RAP1A: variants seen among roughly 807,000 people sequenced by gnomAD.
RAP1A encodes the protein ras-related protein Rap-1A.
Under a neutral mutation model 26.4 loss-of-function variants are expected in RAP1A, and 6 were observed. The observed-to-expected ratio is 0.23, with a 90% CI of 0.12 to 0.45. The LOEUF is 0.45. Ranked by LOEUF, RAP1A falls within the 20% of genes least tolerant of loss-of-function variation. The probability of loss-of-function intolerance (pLI) is 0.99; values close to 1 mark genes in which losing one functional copy is unlikely to be tolerated. For missense variants in RAP1A, 121 were observed against 217.2 expected (o/e 0.56, Z 2.78); for synonymous variants, 73 against 79.4 (o/e 0.92, Z 0.43).
chr1:111,552,051 A>T (rs759086459), intron 1 of RAP1A, among the ~76,000 whole-genome samples: 1 of 152,156 alleles, frequency 6.6e-6, no homozygotes, highest in Non-Finnish European at 1.5e-5. Flanking sequence ...TGGTTAATCT[A>T]TTGTTTGCCC....
chr1:111,623,042 G>T (rs928725456), intron 1 of RAP1A, among the ~76,000 whole-genome samples: 1 of 152,012 alleles, frequency 6.6e-6, no homozygotes, highest in Non-Finnish European at 1.5e-5. Flanking sequence ...TTTTGAGACG[G>T]AGTCTTGCTC....
intron 1 of RAP1A, among the ~76,000 whole-genome samples, chr1:111,654,943 A>C (rs1219423821): frequency 6.6e-6 from 1 of 151,722 alleles, no homozygotes; most frequent in Non-Finnish European, 1.5e-5. Flanking sequence ...TTGAGGTGGG[A>C]GGGAATTGCT....
intron 1 of RAP1A, among the ~76,000 whole-genome samples, chr1:111,684,987 C>A (rs1316387514): frequency 6.6e-6 from 1 of 152,172 alleles, no homozygotes; most frequent in Non-Finnish European, 1.5e-5. Context: ...CACATATCTA[C>A]AACCATCTGA....
intron 1 of RAP1A, among the ~76,000 whole-genome samples, chr1:111,582,223 C>T (rs745632983): frequency 9.2e-5 from 14 of 152,112 alleles, no homozygotes; most frequent in Non-Finnish European, 1.5e-4. Context: ...ATGAAACAGT[C>T]GTTTGGTGAG....
chr1:111,648,240 T>G (rs1053428426), intron 1 of RAP1A: 2 of 575,904 alleles, frequency 3.5e-6, no homozygotes, highest in African/African-American at 3.9e-5. Flanking sequence ...ACCTTTGAAC[T>G]TTTTATTGGC....
intron 1 of RAP1A, among the ~76,000 whole-genome samples, chr1:111,674,289 CT>C (rs72052378): frequency 2.6e-4 from 38 of 146,894 alleles, no homozygotes; most frequent in East Asian, 3.9e-4. Flanking sequence ...ATGGACATCA[CT>C]TTTTTTTTTT....
At chr1:111,691,515 G>A (rs1661667015) in intron 2 of RAP1A, 98 bp downstream of exon 2, 7 of 1,095,014 alleles carry the variant, frequency 6.4e-6, no homozygotes, top group Middle Eastern at 2.0e-4. Context: ...AGAAAAGGTG[G>A]CATTATTATA....
At chr1:111,676,225 G>A (rs1420677501) in intron 1 of RAP1A, among the ~76,000 whole-genome samples, 2 of 152,054 alleles carry the variant, frequency 1.3e-5, no homozygotes, top group Non-Finnish European at 1.5e-5. Context: ...GCATGGTGGT[G>A]GGCGCCTGTA....
At chr1:111,618,777 A>T (rs1261063124), upstream of RAP1A, among the ~76,000 whole-genome samples, 1 of 152,122 alleles carries the variant, frequency 6.6e-6, no homozygotes, top group Non-Finnish European at 1.5e-5. Context: ...GTTCTTTCAC[A>T]CACTATGCCC....
At chr1:111,662,010 C>T (rs925035274) in intron 1 of RAP1A, among the ~76,000 whole-genome samples, 1 of 152,086 alleles carries the variant, frequency 6.6e-6, no homozygotes, top group African/African-American at 2.4e-5. Context: ...TTAATGGTCA[C>T]TTCTAGATCC....
chr1:111,704,205 C>A, intron 5 of RAP1A, 138 bp from the exon 6 acceptor site: 15 of 592,364 alleles, frequency 2.5e-5, no homozygotes, highest in African/African-American at 4.0e-5. Context: ...TCAACATATA[C>A]TTTTCGTTAG....
At chr1:111,618,956 G>A (rs1167257764), upstream of RAP1A, among the ~76,000 whole-genome samples, 1 of 152,242 alleles carries the variant, frequency 6.6e-6, no homozygotes, top group Admixed American at 6.5e-5. Context: ...ACATCAGCAA[G>A]ACTAACTTTT....
intron 1 of RAP1A, among the ~76,000 whole-genome samples, chr1:111,650,856 C>T (rs570977181): frequency 4.3e-4 from 65 of 151,850 alleles, no homozygotes; most frequent in Admixed American, 6.6e-4. Flanking sequence ...AGTACAGTGG[C>T]GCGATCACTG....
chr1:111,624,071 A>G (rs1161017398), intron 1 of RAP1A, among the ~76,000 whole-genome samples: 1 of 152,226 alleles, frequency 6.6e-6, no homozygotes, highest in Non-Finnish European at 1.5e-5. Context: ...GAAATTGTGA[A>G]TGTAAGTTTA....
At chr1:111,708,916 T>C (rs1651400930) in intron 6 of RAP1A, among the ~76,000 whole-genome samples, 1 of 152,198 alleles carries the variant, frequency 6.6e-6, no homozygotes, top group African/African-American at 2.4e-5. Flanking sequence ...ACCAGTTCTT[T>C]TTCTTGATTT....
intron 1 of RAP1A, among the ~76,000 whole-genome samples, chr1:111,589,957 A>T (rs1393978397): frequency 6.6e-6 from 1 of 152,010 alleles, no homozygotes; most frequent in Non-Finnish European, 1.5e-5. Context: ...TTTTGTAGAG[A>T]TGAGGTTTTG....
At chr1:111,652,529 G>A (rs557862484) in intron 1 of RAP1A, among the ~76,000 whole-genome samples, 1 of 151,916 alleles carries the variant, frequency 6.6e-6, no homozygotes, top group African/African-American at 2.4e-5. Flanking sequence ...TAGGCCATAT[G>A]TGGCTCACAA....
chr1:111,695,516 T>G, intron 3 of RAP1A, 107 bp downstream of exon 3: 1 of 722,672 alleles, frequency 1.4e-6, no homozygotes, highest in Non-Finnish European at 2.1e-6. Flanking sequence ...ATAATACAAA[T>G]ATTGTGCATC....
At position 111,714,154 on chromosome 1, in the gene RAP1A, T is replaced by G. The variant is rs1249102879; in HGVS notation, c.*1753T>G. 1 of 152,228 alleles carries G rather than the reference T, an allele frequency of 6.6e-6. No homozygotes were observed. Among genetic ancestry groups the G allele is most frequent in the Admixed American group, 6.5e-5 (1 of 15,278 alleles). The allele number at this position is 152,228 out of a possible 1,614,324, so 9.4% of individuals were successfully genotyped here. Reference sequence around the variant, plus strand: ...ATGGAAATTTTTTTTGTTTGTGTTTTTGTTTTAGTTTCGAATAAACTTAGT... The same window carrying G: ...ATGGAAATTTTTTTTGTTTGTGTTTGTGTTTTAGTTTCGAATAAACTTAGT... On this transcript the variant is annotated 3_prime_UTR_variant, in exon 8 of 8. Transcript: ENST00000369709.
Sources: gnomAD v4.1 joint callset for allele counts (sites outside exome capture counted in the v4.1 genomes callset) on GRCh38, gnomAD v4.1.1 for gene constraint, MANE v1.5 for transcripts, NCBI Gene and HGNC (gene_info 2026-07-23, HGNC 2026-07-21) for gene names.